Variants in HIBADH observed in about 807,000 individuals in gnomAD.
HIBADH encodes 3-hydroxyisobutyrate dehydrogenase, also known as 3-hydroxyisobutyrate dehydrogenase, mitochondrial.
Under a neutral mutation model 36.1 loss-of-function variants are expected in HIBADH, and 25 were observed. The ratio of observed to expected loss-of-function variants is 0.69; its 90% CI spans 0.50 to 0.97. The LOEUF is 0.97. HIBADH is among the 50% of genes least tolerant of loss of function. The pLI is 0.00. For missense variants in HIBADH, 421 were observed against 418.0 expected, an observed-to-expected ratio of 1.01 and a Z score of -0.06; for synonymous variants, 160 against 149.5, an observed-to-expected ratio of 1.07 and a Z score of -0.51.
At chr7:27,638,324 A>AAAAAAAAAAAAAAAAAAAAAAG (rs1785889350) in intron 2 of HIBADH, among the ~76,000 whole-genome samples, 1 of 148,548 alleles carries the variant, frequency 6.7e-6, no homozygotes, top group Non-Finnish European at 1.5e-5. Flanking sequence ...AAAAAAAAAA[A>AAAAAAAAAAAAAAAAAAAAAAG]AAAAAACAAG....
rs79827868 is a variant in HIBADH, at chr7:27,661,344, T to C, written c.91+1354A>G. ...GGCCAGCCACAGTGGTTCATGCCTA[T>C]AATCCCAACGCTTTGGGAGGATCAC... On this transcript the variant is annotated intron_variant, in intron 1 of 7. Coordinates refer to ENST00000265395, the MANE Select transcript of HIBADH (RefSeq NM_152740.4). Among the ~76,000 whole-genome samples, 4 of 152,264 alleles carry C rather than the reference T, an allele frequency of 2.6e-5. No individual in the cohort carries two copies. In the East Asian group the frequency reaches 7.7e-4, roughly 29 times the overall value.
At chr7:27,659,615 G>C (rs1389159575) in intron 1 of HIBADH, among the ~76,000 whole-genome samples, 1 of 152,088 alleles carries the variant, frequency 6.6e-6, no homozygotes, top group African/African-American at 2.4e-5. Context: ...CCAGCTACTT[G>C]GGAGGCTGAG....
At chr7:27,573,882 A>G (rs1784664595) in intron 4 of HIBADH, among the ~76,000 whole-genome samples, 1 of 152,216 alleles carries the variant, frequency 6.6e-6, no homozygotes, top group Non-Finnish European at 1.5e-5. Context: ...ATACTGGGTT[A>G]AATAAAATGT....
intron 4 of HIBADH, among the ~76,000 whole-genome samples, chr7:27,570,978 A>G (rs888060864): frequency 6.6e-6 from 1 of 152,146 alleles, no homozygotes; most frequent in Admixed American, 6.5e-5. Flanking sequence ...TAGAACTCCA[A>G]TTAGATGCAT....
chr7:27,558,726 A>G lies in HIBADH; in HGVS notation c.485-15626T>C, dbSNP rs376298147. 1.4e-4 allele frequency among the ~76,000 whole-genome samples: 21 copies of G among 152,262 alleles called. No homozygotes were observed. In the East Asian group the frequency reaches 3.3e-3, roughly 24 times the overall value. ...AAAAAACAAAAACAAAACAAAACAC[A>G]AGCATTTAGTCTATAAAATCTCTTC... On this transcript the variant is annotated intron_variant, in intron 4 of 7. Coordinates refer to ENST00000265395, the MANE Select transcript of HIBADH (RefSeq NM_152740.4).
chr7:27,645,121 A>C (rs1041042595), intron 2 of HIBADH, among the ~76,000 whole-genome samples: 5 of 152,292 alleles, frequency 3.3e-5, no homozygotes, highest in African/African-American at 1.2e-4. Context: ...TGCTAAATAC[A>C]TGTTTCCGTG....
chr7:27,607,925 G>A (rs1242314573), intron 4 of HIBADH, among the ~76,000 whole-genome samples: 1 of 151,998 alleles, frequency 6.6e-6, no homozygotes, highest in African/African-American at 2.4e-5. Context: ...TTTAATATAT[G>A]GACATAGTAC....
At chr7:27,644,415 T>C (rs1240635198) in intron 2 of HIBADH, among the ~76,000 whole-genome samples, 1 of 151,790 alleles carries the variant, frequency 6.6e-6, no homozygotes, top group Admixed American at 6.6e-5. Flanking sequence ...GTCTAGCCAG[T>C]ATGGTGAAAC....
chr7:27,606,349 C>A (rs1311013874), intron 4 of HIBADH, among the ~76,000 whole-genome samples: 2 of 152,136 alleles, frequency 1.3e-5, no homozygotes, highest in African/African-American at 2.4e-5. Context: ...AAACACAGAT[C>A]CCTTCCTGGG....
intron 4 of HIBADH, among the ~76,000 whole-genome samples, chr7:27,586,507 T>C (rs1784866500): frequency 6.6e-6 from 1 of 152,190 alleles, no homozygotes; most frequent in African/African-American, 2.4e-5. Flanking sequence ...ATTTTGCTTC[T>C]AGAAATTAAA....
At chr7:27,630,780 A>T (rs1179500145) in intron 3 of HIBADH, among the ~76,000 whole-genome samples, 1 of 152,188 alleles carries the variant, frequency 6.6e-6, no homozygotes. Context: ...TTGTTTAAAC[A>T]ACAATTTTAG....
At chr7:27,599,484 G>T (rs2110527) in intron 4 of HIBADH, among the ~76,000 whole-genome samples, 1 of 151,550 alleles carries the variant, frequency 6.6e-6, no homozygotes, top group Non-Finnish European at 1.5e-5. Flanking sequence ...AGATCGAGAC[G>T]ATCCTGGCTA....
intron 6 of HIBADH, among the ~76,000 whole-genome samples, chr7:27,533,951 T>C (rs1784036216): frequency 6.6e-6 from 1 of 152,146 alleles, no homozygotes; most frequent in East Asian, 1.9e-4. Context: ...GTCCCCATAA[T>C]AACTTGCCAC....
chr7:27,639,797 G>A (rs1431030699), intron 2 of HIBADH, among the ~76,000 whole-genome samples: 1 of 152,070 alleles, frequency 6.6e-6, no homozygotes, highest in Admixed American at 6.6e-5. Flanking sequence ...CAAATAACAA[G>A]TTCAACCAAT....
chr7:27,609,110 T>G (rs954339513), intron 4 of HIBADH, among the ~76,000 whole-genome samples: 1 of 152,234 alleles, frequency 6.6e-6, no homozygotes, highest in Non-Finnish European at 1.5e-5. Flanking sequence ...TAGTAATTAT[T>G]ACTAACAATA....
At chr7:27,566,102 T>C (rs1784544387) in intron 4 of HIBADH, among the ~76,000 whole-genome samples, 1 of 152,124 alleles carries the variant, frequency 6.6e-6, no homozygotes, top group Non-Finnish European at 1.5e-5. Context: ...GTGTACAGTA[T>C]AAAGAATACT....
At chr7:27,542,272 G>A (rs918944898) in intron 5 of HIBADH, among the ~76,000 whole-genome samples, 3 of 151,972 alleles carry the variant, frequency 2.0e-5, no homozygotes, top group African/African-American at 7.3e-5. Flanking sequence ...TGGGCCCATG[G>A]AGTTCAAATC....
At chr7:27,539,683 G>A (rs1317044258) in intron 5 of HIBADH, among the ~76,000 whole-genome samples, 4 of 152,218 alleles carry the variant, frequency 2.6e-5, no homozygotes, top group South Asian at 2.1e-4. Flanking sequence ...AGGGGGTTAG[G>A]GGTGCCAACC....
At chr7:27,618,960 T>A (rs1785486748) in intron 4 of HIBADH, among the ~76,000 whole-genome samples, 1 of 152,162 alleles carries the variant, frequency 6.6e-6, no homozygotes, top group Non-Finnish European at 1.5e-5. Context: ...TCTGCCCCCG[T>A]GACCTCCCAC....
Sources: allele counts gnomAD v4.1 joint callset (sites outside exome capture counted in the v4.1 genomes callset), GRCh38; gene constraint gnomAD v4.1.1; transcripts MANE v1.5; gene names NCBI Gene and HGNC (gene_info 2026-07-23, HGNC 2026-07-21).